Variants in CACNA1D observed in about 807,000 individuals in gnomAD.
The protein encoded by CACNA1D is voltage-dependent L-type calcium channel subunit alpha-1D.
CACNA1D carries 55 observed loss-of-function variants against 257.1 expected under a neutral mutation model. The observed-to-expected ratio is 0.21, with a 90% CI of 0.17 to 0.27. The LOEUF is 0.27. Among genes scored for constraint, CACNA1D ranks in the 10% least tolerant of loss-of-function variants. The probability of loss-of-function intolerance (pLI) is 1.00; values close to 1 mark genes in which losing one functional copy is unlikely to be tolerated. For missense variants in CACNA1D, 1,876 were observed against 2,784.0 expected (o/e 0.67, Z 7.34); for synonymous variants, 980 against 1,014.9 (o/e 0.97, Z 0.65).
chr3:53,778,747 T>G (rs1454522084), intron 37 of CACNA1D, among the ~76,000 whole-genome samples: 1 of 152,158 alleles, frequency 6.6e-6, no homozygotes, highest in Admixed American at 6.5e-5. Context: ...CAACTCTCAT[T>G]GCTGGTGTTA....
At position 53,672,388 on chromosome 3, in the gene CACNA1D, G is replaced by A. The variant is rs146506854; in HGVS notation, c.1117-635G>A. 4.7e-3 allele frequency among the ~76,000 whole-genome samples: 723 copies of A among 152,310 alleles called. 4 individuals are homozygous for A. Among genetic ancestry groups the A allele is most frequent in the Non-Finnish European group, 8.5e-3 (581 of 68,028 alleles). On this transcript the variant is annotated intron_variant, in intron 7 of 47. Coordinates refer to ENST00000350061, the MANE Select transcript of CACNA1D (RefSeq NM_001128840.3). The stretch of plus-strand genomic sequence containing the variant: ...ATTTCTTTTTCACATTCATTTTGCT[G>A]CATTCATTTTGTTTGCACTCACAGG...
chr3:53,499,486 A>C, intron 2 of CACNA1D, among the ~76,000 whole-genome samples: 1 of 151,982 alleles, frequency 6.6e-6, no homozygotes, highest in East Asian at 1.9e-4. Flanking sequence ...CCCCTGGAGG[A>C]GTGAGGGATG....
intron 39 of CACNA1D, among the ~76,000 whole-genome samples, chr3:53,784,110 C>G (rs2109090225): frequency 6.6e-6 from 1 of 152,362 alleles, no homozygotes; most frequent in Non-Finnish European, 1.5e-5. Flanking sequence ...GGATACATGT[C>G]AGGCTTGCTT....
intron 9 of CACNA1D, among the ~76,000 whole-genome samples, chr3:53,710,075 C>T (rs2094733980): frequency 6.6e-6 from 1 of 152,200 alleles, no homozygotes; most frequent in Admixed American, 6.5e-5. Context: ...GCTCCTGACT[C>T]CCCCTAAAGT....
At position 53,776,914 on chromosome 3, in the gene CACNA1D, C is replaced by T. The variant is rs775387414; in HGVS notation, c.4545C>T (p.Pro1515=). 2.5e-6 allele frequency: 4 copies of T among 1,614,136 alleles called. No individual in the cohort carries two copies. Among genetic ancestry groups the T allele is most frequent in the Non-Finnish European group, 3.4e-6 (4 of 1,179,996 alleles). Residue 1515 remains proline (P), a synonymous_variant, in exon 37 of 48, where the codon CCC becomes CCT. Transcript: ENST00000350061. ...VVTLLRRIQP[P]LGFGKLCPHR... The stretch of plus-strand genomic sequence containing the variant: ...CTCTGCTTCGACGCATCCAGCCTCC[C>T]CTGGGGTTTGGGAAGTTATGTCCAC...
intron 3 of CACNA1D, among the ~76,000 whole-genome samples, chr3:53,625,746 C>T (rs1472778049): frequency 2.0e-5 from 3 of 152,134 alleles, no homozygotes; most frequent in African/African-American, 7.2e-5. Flanking sequence ...TCTATTAGAC[C>T]TTCATGTTCA....
At chr3:53,571,603 G>A (rs1241171929) in intron 3 of CACNA1D, among the ~76,000 whole-genome samples, 1 of 152,080 alleles carries the variant, frequency 6.6e-6, no homozygotes, top group East Asian at 1.9e-4. Context: ...GGATAGAGGT[G>A]GGGGAGCTGG....
chr3:53,502,964 A>G (rs752288443), intron 3 of CACNA1D, among the ~76,000 whole-genome samples: 5 of 152,114 alleles, frequency 3.3e-5, no homozygotes, highest in Non-Finnish European at 7.4e-5. Flanking sequence ...GGATGTTCCT[A>G]ACTGAGCGAG....
At chr3:53,582,043 C>A (rs807194) in intron 3 of CACNA1D, among the ~76,000 whole-genome samples, 117,758 of 152,090 alleles carry the variant, frequency 0.77, 45,802 homozygotes, top group Middle Eastern at 0.82. Context: ...ATGCACAGAT[C>A]CCACGCCCTT....
chr3:53,552,322 A>T (rs1306081154), intron 3 of CACNA1D, among the ~76,000 whole-genome samples: 1 of 152,184 alleles, frequency 6.6e-6, no homozygotes, highest in East Asian at 1.9e-4. Context: ...ACCAGAAGCC[A>T]TGCTGCCCTT....
At chr3:53,635,716 A>C (rs1428193834) in intron 3 of CACNA1D, among the ~76,000 whole-genome samples, 1 of 151,626 alleles carries the variant, frequency 6.6e-6, no homozygotes, top group Admixed American at 6.6e-5. Context: ...GCTTTTTCCT[A>C]CTCCATCCTG....
At chr3:53,790,201 G>T (rs1284647579) in intron 40 of CACNA1D, among the ~76,000 whole-genome samples, 1 of 152,106 alleles carries the variant, frequency 6.6e-6, no homozygotes, top group African/African-American at 2.4e-5. Flanking sequence ...GAGTTTCCAC[G>T]AGGGGCAAAT....
chr3:53,804,854 C>T, intron 44 of CACNA1D, 129 bp from the exon 45 acceptor site: 1 of 897,122 alleles, frequency 1.1e-6, no homozygotes, highest in East Asian at 2.4e-5. Context: ...CTGAGGCCAG[C>T]CTTGTTCTCA....
intron 39 of CACNA1D, among the ~76,000 whole-genome samples, chr3:53,784,319 T>C (rs2095441658): frequency 6.6e-6 from 1 of 152,220 alleles, no homozygotes. Context: ...TTTGCTCCTT[T>C]GCCCTGAAGA....
At chr3:53,785,791 G>GC (rs1015493793) in intron 39 of CACNA1D, 2 of 152,358 alleles carry the variant, frequency 1.3e-5, no homozygotes, top group Admixed American at 1.3e-4. Context: ...TGAGCCCCTT[G>GC]CCCCCACATC....
At chr3:53,621,890 C>A (rs1411376782) in intron 3 of CACNA1D, among the ~76,000 whole-genome samples, 1 of 152,010 alleles carries the variant, frequency 6.6e-6, no homozygotes, top group Non-Finnish European at 1.5e-5. Flanking sequence ...CAGAAAAATG[C>A]AAGTTAAAAC....
chr3:53,583,946 A>G (rs1424234793), intron 3 of CACNA1D, among the ~76,000 whole-genome samples: 1 of 152,182 alleles, frequency 6.6e-6, no homozygotes, highest in Non-Finnish European at 1.5e-5. Context: ...TTCTACAGTC[A>G]CAAGCATCAG....
chr3:53,777,183 A>C (rs1187486676), intron 37 of CACNA1D, among the ~76,000 whole-genome samples: 2 of 152,134 alleles, frequency 1.3e-5, no homozygotes, highest in Admixed American at 6.5e-5. Flanking sequence ...CATTGGGTGG[A>C]TGGTAGAGAA....
chr3:53,753,597 A>T lies in CACNA1D; in HGVS notation c.3701A>T (p.Asn1234Ile), dbSNP rs147146258. 38 of 1,611,610 alleles carry T rather than the reference A, an allele frequency of 2.4e-5. No individual in the cohort carries two copies. Among genetic ancestry groups the T allele is most frequent in the Non-Finnish European group, 3.1e-5 (37 of 1,177,762 alleles). Residue 1234 changes from asparagine (N) to isoleucine (I), a missense_variant, in exon 29 of 48, where the codon AAT becomes ATT. Physicochemically the swap from Asn to Ile is moderately radical, Grantham distance 149 (BLOSUM62 -3). This residue lies in a region of CACNA1D where 204 missense variants were observed against 309.4 expected (regional missense o/e 0.66). Transcript: ENST00000350061. Reference sequence around the variant, plus strand: ...CACTACGAGCAGTCCAAGATGTTCAATGATGCCATGGACATTCTGAACATG... The same window carrying T: ...CACTACGAGCAGTCCAAGATGTTCATTGATGCCATGGACATTCTGAACATG... ...MQHYEQSKMF[N>I]DAMDILNMVF...
Sources: gnomAD v4.1 joint callset for allele counts (sites outside exome capture counted in the v4.1 genomes callset) on GRCh38, gnomAD v4.1.1 for gene constraint, gnomAD v4.1.1 regional missense constraint, MANE v1.5 for transcripts, NCBI Gene and HGNC (gene_info 2026-07-23, HGNC 2026-07-21) for gene names.